DOP1B: variants seen among roughly 807,000 people sequenced by gnomAD.
DOP1B encodes the protein DOP1 leucine zipper like protein B.
A neutral mutation model predicts 233.5 loss-of-function variants in DOP1B; 174 were observed. The observed-to-expected ratio is 0.75, with a 90% CI of 0.66 to 0.85. The LOEUF (loss-of-function observed/expected upper bound fraction) is 0.85. DOP1B is among the 40% of genes least tolerant of loss of function. The probability of loss-of-function intolerance (pLI) is 0.00; values close to 1 mark genes in which losing one functional copy is unlikely to be tolerated. For missense variants in DOP1B, 2,652 were observed against 2,846.6 expected (o/e 0.93, Z 1.56); for synonymous variants, 1,190 against 1,185.6 (o/e 1.00, Z -0.08).
At chr21:36,202,808 C>T (rs1304936649) in intron 4 of DOP1B, among the ~76,000 whole-genome samples, 1 of 152,098 alleles carries the variant, frequency 6.6e-6, no homozygotes, top group African/African-American at 2.4e-5. Context: ...CGGTGAGACT[C>T]GGTAAGTGTG....
At chr21:36,159,949 T>G (rs1452374202) in intron 1 of DOP1B, among the ~76,000 whole-genome samples, 1 of 152,210 alleles carries the variant, frequency 6.6e-6, no homozygotes, top group East Asian at 1.9e-4. Context: ...CACATTAAAC[T>G]GAAATTATGT....
chr21:36,177,528 C>A (rs1008178845), intron 2 of DOP1B, among the ~76,000 whole-genome samples: 1 of 152,116 alleles, frequency 6.6e-6, no homozygotes, highest in African/African-American at 2.4e-5. Context: ...TTCCAAAGTC[C>A]ATGCTGAAAC....
intron 2 of DOP1B, among the ~76,000 whole-genome samples, chr21:36,196,002 G>A (rs1026506756): frequency 1.3e-5 from 2 of 152,232 alleles, no homozygotes; most frequent in African/African-American, 4.8e-5. Context: ...TATTCATCTT[G>A]TTGGCCCCAA....
chr21:36,225,293 G>A (rs1056594267), intron 11 of DOP1B, among the ~76,000 whole-genome samples: 1 of 151,392 alleles, frequency 6.6e-6, no homozygotes, highest in Non-Finnish European at 1.5e-5. Context: ...GCAGTGGTGC[G>A]ATCTTGTCTC....
intron 7 of DOP1B, 107 bp from the exon 8 acceptor site, chr21:36,213,974 T>A: frequency 1.0e-6 from 1 of 985,352 alleles, no homozygotes; most frequent in Non-Finnish European, 1.5e-6. Context: ...TGGTTTTCCA[T>A]CAGAAGAATG....
chr21:36,281,191 G>A (rs2067411786), intron 31 of DOP1B, among the ~76,000 whole-genome samples: 1 of 152,168 alleles, frequency 6.6e-6, no homozygotes, highest in East Asian at 1.9e-4. Context: ...AGCTACTTGG[G>A]AGACTGAGGC....
intron 2 of DOP1B, among the ~76,000 whole-genome samples, chr21:36,198,611 T>C (rs1356275020): frequency 6.6e-6 from 1 of 152,192 alleles, no homozygotes; most frequent in Non-Finnish European, 1.5e-5. Context: ...ATCCTGCTTA[T>C]GGAAGCCTAG....
At chr21:36,173,113 C>T (rs566490414) in intron 2 of DOP1B, among the ~76,000 whole-genome samples, 1 of 152,150 alleles carries the variant, frequency 6.6e-6, no homozygotes, top group African/African-American at 2.4e-5. Flanking sequence ...GAGGAAGACT[C>T]TGTCTCAAAA....
chr21:36,169,258 G>A (rs1245301401), intron 2 of DOP1B: 3 of 861,204 alleles, frequency 3.5e-6, no homozygotes, highest in East Asian at 4.9e-5. Flanking sequence ...TGTCAGACAG[G>A]TCATAGTCCG....
At chr21:36,259,389 G>A (rs560287178) in intron 23 of DOP1B, among the ~76,000 whole-genome samples, 6 of 151,718 alleles carry the variant, frequency 4.0e-5, no homozygotes, top group African/African-American at 1.2e-4. Context: ...TCCTGCCTCT[G>A]CCTCCTGAGT....
chr21:36,221,470 G>A (rs1256422973), intron 10 of DOP1B, among the ~76,000 whole-genome samples: 2 of 151,694 alleles, frequency 1.3e-5, no homozygotes, highest in African/African-American at 4.8e-5. Context: ...ACTCCAGCCT[G>A]GGCGACAGAG....
At chr21:36,209,102 A>G (rs1299818266) in intron 5 of DOP1B, among the ~76,000 whole-genome samples, 198 bp downstream of exon 5, 1 of 152,190 alleles carries the variant, frequency 6.6e-6, no homozygotes, top group East Asian at 1.9e-4. Context: ...CTTTTTTAAC[A>G]TATGCATTAA....
At chr21:36,183,972 T>C (rs1020970207) in intron 2 of DOP1B, among the ~76,000 whole-genome samples, 5 of 151,952 alleles carry the variant, frequency 3.3e-5, no homozygotes, top group African/African-American at 1.2e-4. Context: ...CAAGCTATTC[T>C]CCTGCCTCAG....
chr21:36,172,430 C>G (rs1052764087), intron 2 of DOP1B, among the ~76,000 whole-genome samples: 1 of 152,224 alleles, frequency 6.6e-6, no homozygotes, highest in Non-Finnish European at 1.5e-5. Context: ...CTTGCAACTT[C>G]TGCATTCAAG....
intron 15 of DOP1B, among the ~76,000 whole-genome samples, chr21:36,234,009 A>T (rs1319714360): frequency 6.6e-6 from 1 of 152,008 alleles, no homozygotes; most frequent in Non-Finnish European, 1.5e-5. Context: ...ACCTGCCACC[A>T]CACCTGGCTA....
At chr21:36,188,449 A>G (rs967987628) in intron 2 of DOP1B, among the ~76,000 whole-genome samples, 8 of 152,278 alleles carry the variant, frequency 5.3e-5, no homozygotes, top group African/African-American at 9.6e-5. Flanking sequence ...ATGCCACACC[A>G]TGAGCACTTG....
At chr21:36,216,664 A>G (rs1454283893) in intron 9 of DOP1B, among the ~76,000 whole-genome samples, 1 of 152,190 alleles carries the variant, frequency 6.6e-6, no homozygotes, top group Non-Finnish European at 1.5e-5. Context: ...GCATCTGCTT[A>G]TGTGAGCCCT....
At chr21:36,190,459 G>A (rs539388464) in intron 2 of DOP1B, among the ~76,000 whole-genome samples, 3 of 151,124 alleles carry the variant, frequency 2.0e-5, no homozygotes, top group Admixed American at 6.6e-5. Context: ...GTGCAGTGGC[G>A]CAATCTCAGC....
At chr21:36,206,827 G>A (rs2066430674) in intron 4 of DOP1B, among the ~76,000 whole-genome samples, 1 of 152,144 alleles carries the variant, frequency 6.6e-6, no homozygotes, top group South Asian at 2.1e-4. Context: ...AATAACCTCA[G>A]CCATTAAATC....
Sources: gnomAD v4.1 joint callset for allele counts (sites outside exome capture counted in the v4.1 genomes callset) on GRCh38, gnomAD v4.1.1 for gene constraint, MANE v1.5 for transcripts, NCBI Gene and HGNC (gene_info 2026-07-23, HGNC 2026-07-21) for gene names.